Variants in SCFD2 observed in about 807,000 individuals in gnomAD.
SCFD2 encodes sec1 family domain containing 2.
Under a neutral mutation model 58.9 loss-of-function variants are expected in SCFD2, and 54 were observed. The ratio of observed to expected loss-of-function variants is 0.92; its 90% CI spans 0.74 to 1.15. The LOEUF is 1.15. Among genes scored for constraint, SCFD2 ranks in the 50% most tolerant of loss-of-function variants. The probability of loss-of-function intolerance (pLI) is 0.00; values close to 1 mark genes in which losing one functional copy is unlikely to be tolerated. For missense variants in SCFD2, 805 were observed against 836.6 expected, an observed-to-expected ratio of 0.96 and a Z score of 0.47; for synonymous variants, 321 against 335.9, an observed-to-expected ratio of 0.96 and a Z score of 0.49.
At chr4:52,971,642 T>C (rs1265926441) in intron 5 of SCFD2, among the ~76,000 whole-genome samples, 1 of 152,090 alleles carries the variant, frequency 6.6e-6, no homozygotes. Context: ...CAGGCCAACA[T>C]TCAAATTCAG....
At chr4:53,044,924 C>T (rs1723002655) in intron 5 of SCFD2, among the ~76,000 whole-genome samples, 1 of 147,618 alleles carries the variant, frequency 6.8e-6, no homozygotes, top group African/African-American at 2.5e-5. Context: ...CCCCCGCCCA[C>T]AAAAAACTTG....
At chr4:53,285,856 T>G (rs1474234993) in intron 3 of SCFD2, among the ~76,000 whole-genome samples, 1 of 152,060 alleles carries the variant, frequency 6.6e-6, no homozygotes, top group Non-Finnish European at 1.5e-5. Flanking sequence ...TCACAGGTCA[T>G]GAGCCCAGTT....
intron 5 of SCFD2, among the ~76,000 whole-genome samples, chr4:53,109,588 G>A (rs1436915906): frequency 2.0e-5 from 3 of 152,118 alleles, no homozygotes; most frequent in East Asian, 1.9e-4. Context: ...GAAAAACAGA[G>A]AGCCAAATCA....
chr4:52,936,669 T>C (rs1577840785), intron 5 of SCFD2, among the ~76,000 whole-genome samples: 1 of 152,328 alleles, frequency 6.6e-6, no homozygotes, highest in East Asian at 1.9e-4. Flanking sequence ...CTCTGACTTA[T>C]CTGCTCTTCT....
At chr4:52,905,520 C>T (rs1036038932) in intron 7 of SCFD2, among the ~76,000 whole-genome samples, 6 of 152,170 alleles carry the variant, frequency 3.9e-5, no homozygotes, top group African/African-American at 1.4e-4. Flanking sequence ...GGCCTCACAG[C>T]TAAAGGCTGA....
chr4:53,178,612 G>A (rs62325042), intron 4 of SCFD2, among the ~76,000 whole-genome samples: 8,569 of 152,304 alleles, frequency 0.056, 301 homozygotes, highest in Middle Eastern at 0.12. Context: ...CCAAAGGAAT[G>A]CAGCTCCTCA....
intron 5 of SCFD2, among the ~76,000 whole-genome samples, chr4:53,115,889 G>A (rs539477010): frequency 1.4e-3 from 209 of 152,188 alleles, no homozygotes; most frequent in Middle Eastern, 3.4e-3. Context: ...TTATCATATA[G>A]AAGACCTATG....
intron 5 of SCFD2, among the ~76,000 whole-genome samples, chr4:53,131,594 T>A (rs547809005): frequency 6.6e-6 from 1 of 152,320 alleles, no homozygotes; most frequent in Admixed American, 6.5e-5. Context: ...AACCATAGAA[T>A]GGCAGAGAAA....
intron 5 of SCFD2, among the ~76,000 whole-genome samples, chr4:53,012,626 T>C (rs1722121429): frequency 6.6e-6 from 1 of 152,216 alleles, no homozygotes; most frequent in Non-Finnish European, 1.5e-5. Flanking sequence ...ATAAAATTTT[T>C]ACCTTTCTCT....
At chr4:52,946,266 G>A (rs796904972) in intron 5 of SCFD2, among the ~76,000 whole-genome samples, 10 of 151,946 alleles carry the variant, frequency 6.6e-5, no homozygotes, top group South Asian at 2.1e-4. Flanking sequence ...ATTATCAGCC[G>A]TGAACATCAT....
At position 53,316,604 on chromosome 4, in the gene SCFD2, T is replaced by C. The variant is rs560252950; in HGVS notation, c.1008-2841A>G. On this transcript the variant is annotated intron_variant, in intron 2 of 8. Transcript: ENST00000401642. ...GTCTTTAATTCACTATGTTCAGGAG[T>C]TTGTGATATATTGGATGAATTCACT... 3.3e-5 allele frequency among the ~76,000 whole-genome samples: 5 copies of C among 152,208 alleles called. No homozygotes were observed. The South Asian group carries it at 1.0e-3, about 32-fold the overall frequency.
At chr4:53,095,480 AC>A (rs1289328126) in intron 5 of SCFD2, among the ~76,000 whole-genome samples, 1 of 151,674 alleles carries the variant, frequency 6.6e-6, no homozygotes, top group Non-Finnish European at 1.5e-5. Context: ...AGCTTTCATC[AC>A]CTCTCACTTA....
At chr4:52,996,480 G>A (rs755142315) in intron 5 of SCFD2, among the ~76,000 whole-genome samples, 13 of 152,190 alleles carry the variant, frequency 8.5e-5, no homozygotes, top group South Asian at 4.1e-4. Context: ...CAGTCACTGC[G>A]TCATGGCATC....
intron 5 of SCFD2, among the ~76,000 whole-genome samples, chr4:53,041,000 C>T (rs1210987566): frequency 1.3e-5 from 2 of 152,152 alleles, no homozygotes; most frequent in African/African-American, 4.8e-5. Context: ...AAGAAAACCA[C>T]AGGAACTATT....
At chr4:53,319,931 C>T (rs1258389506) in intron 2 of SCFD2, among the ~76,000 whole-genome samples, 1 of 152,316 alleles carries the variant, frequency 6.6e-6, no homozygotes, top group East Asian at 1.9e-4. Context: ...GATTACAGCT[C>T]AGGTCCACCA....
chr4:53,304,007 A>G (rs1214790285), intron 3 of SCFD2, among the ~76,000 whole-genome samples: 1 of 151,224 alleles, frequency 6.6e-6, no homozygotes, highest in East Asian at 1.9e-4. Context: ...ATGCTAAATG[A>G]CGAGTTAATG....
intron 5 of SCFD2, among the ~76,000 whole-genome samples, chr4:52,927,904 T>A (rs756666469): frequency 6.6e-6 from 1 of 152,248 alleles, no homozygotes; most frequent in Non-Finnish European, 1.5e-5. Context: ...ATTTATTAGA[T>A]GTATTACTAT....
At chr4:52,950,268 A>G (rs1319667210) in intron 5 of SCFD2, 3 of 152,226 alleles carry the variant, frequency 2.0e-5, no homozygotes, top group Non-Finnish European at 4.4e-5. Context: ...GAAAGAGGCA[A>G]AGTTAGACTT....
intron 5 of SCFD2, among the ~76,000 whole-genome samples, chr4:52,998,700 A>G (rs1721798515): frequency 6.6e-6 from 1 of 152,338 alleles, no homozygotes; most frequent in South Asian, 2.1e-4. Context: ...GGCAAGAACG[A>G]CAGAGTCACA....
Sources: gnomAD v4.1 joint callset for allele counts (sites outside exome capture counted in the v4.1 genomes callset) on GRCh38, gnomAD v4.1.1 for gene constraint, MANE v1.5 for transcripts, NCBI Gene and HGNC (gene_info 2026-07-23, HGNC 2026-07-21) for gene names.